Variants in PPM1B observed in about 807,000 individuals in gnomAD.
PPM1B encodes the protein protein phosphatase 1B.
A neutral mutation model predicts 43.0 loss-of-function variants in PPM1B; 22 were observed. The ratio of observed to expected loss-of-function variants is 0.51; its 90% CI spans 0.37 to 0.73. The LOEUF is 0.73. PPM1B is among the 30% of genes least tolerant of loss of function. The pLI is 0.00. For synonymous variants in PPM1B, 217 were observed against 197.9 expected (o/e 1.10, Z -0.81); for missense variants, 632 against 584.2 (o/e 1.08, Z -0.84).
chr2:44,183,982 C>G (rs1190308833), intron 1 of PPM1B, among the ~76,000 whole-genome samples: 1 of 152,206 alleles, frequency 6.6e-6, no homozygotes, highest in Non-Finnish European at 1.5e-5. Context: ...TCGTGATCCG[C>G]CCGCCTCGGC....
downstream of PPM1B, among the ~76,000 whole-genome samples, chr2:44,244,720 A>G (rs1287753044): frequency 6.6e-6 from 1 of 150,658 alleles, no homozygotes; most frequent in Non-Finnish European, 1.5e-5. Context: ...GGCTTGTTCT[A>G]CGCGAATACA....
At chr2:44,170,143 C>G (rs1257581608) in intron 1 of PPM1B, among the ~76,000 whole-genome samples, 1 of 152,182 alleles carries the variant, frequency 6.6e-6, no homozygotes, top group Admixed American at 6.5e-5. Flanking sequence ...TCAGATTTAG[C>G]AGATCTGGGA....
intron 1 of PPM1B, among the ~76,000 whole-genome samples, chr2:44,183,770 G>T (rs972006276): frequency 6.6e-6 from 1 of 151,934 alleles, no homozygotes; most frequent in African/African-American, 2.4e-5. Flanking sequence ...ACAGAGTCTC[G>T]CTCAGTCGCC....
chr2:44,238,718 A>G (rs1670683810), downstream of PPM1B, among the ~76,000 whole-genome samples: 1 of 152,048 alleles, frequency 6.6e-6, no homozygotes, highest in African/African-American at 2.4e-5. Flanking sequence ...AGGAAAAAAA[A>G]AAACATTTTA....
rs1325354452 is a variant in PPM1B at position 44,186,394 on chromosome 2, G to C, written c.-14-14792G>C. 4.6e-5 allele frequency among the ~76,000 whole-genome samples: 7 copies of C among 152,038 alleles called. No homozygotes were observed. The East Asian group carries it at 1.2e-3, about 25-fold the overall frequency. ...ACAAGCTTTTTTTCTTTTGAGACAG[G>C]GTCTTGCTCTGTCATCGAGGCTGGA... On this transcript the variant is annotated intron_variant, in intron 1 of 5. Transcript: ENST00000282412.
At chr2:44,173,758 CATG>C (rs1669512913) in intron 1 of PPM1B, among the ~76,000 whole-genome samples, 1 of 152,134 alleles carries the variant, frequency 6.6e-6, no homozygotes, top group South Asian at 2.1e-4. Context: ...GCCTGGCCAA[CATG>C]ATGAAACCCT....
At chr2:44,212,729 G>A (rs1426018102) in intron 3 of PPM1B, among the ~76,000 whole-genome samples, 1 of 151,902 alleles carries the variant, frequency 6.6e-6, no homozygotes, top group Non-Finnish European at 1.5e-5. Flanking sequence ...CCGTTTAGTA[G>A]GCCAGTCATG....
chr2:44,196,969 T>C (rs550553500), intron 1 of PPM1B, among the ~76,000 whole-genome samples: 1 of 152,352 alleles, frequency 6.6e-6, no homozygotes, highest in East Asian at 1.9e-4. Flanking sequence ...TGTACTACAC[T>C]GTACTTGGAA....
In PPM1B at chr2:44,225,314, A is replaced by G. The variant is rs79942793; in HGVS notation, c.1135-5099A>G. On this transcript the variant is annotated intron_variant, in intron 5 of 5. Transcript: ENST00000282412. ...CCGTTGCAAGGTAGAGTTAATTGCTATAATAGATGTGTAAAAATAGGTGTG... is the reference window on the plus strand; with the variant it reads ...CCGTTGCAAGGTAGAGTTAATTGCTGTAATAGATGTGTAAAAATAGGTGTG... Among the ~76,000 whole-genome samples the G allele has an allele frequency of 4.3e-3, 656 of 152,346 alleles. 7 individuals are homozygous for G. The highest frequency in any genetic ancestry group is 0.015 in the African/African-American group (624 of 41,580).
chr2:44,230,879 A>G lies in PPM1B; in HGVS notation c.*161A>G, dbSNP rs1572760982. 1.5e-6 allele frequency: 2 copies of G among 1,378,130 alleles called. No individual in the cohort carries two copies. The highest frequency in any genetic ancestry group is 2.6e-5 in the East Asian group (1 of 38,272). The allele number at this position is 1,378,130 out of a possible 1,614,324, so 85.4% of individuals were successfully genotyped here. ...TAAAAAGGCCTTTGCATACACCTTT[A>G]TGAGATAGTGTAAAATTGACTATTT... On this transcript the variant is annotated 3_prime_UTR_variant, in exon 6 of 6. Coordinates refer to ENST00000282412, the MANE Select transcript of PPM1B (RefSeq NM_002706.6).
chr2:44,175,012 T>C (rs1667514128), intron 1 of PPM1B, among the ~76,000 whole-genome samples: 1 of 152,166 alleles, frequency 6.6e-6, no homozygotes, highest in Non-Finnish European at 1.5e-5. Flanking sequence ...CCTAGCACTT[T>C]GGGAGGCCGA....
At chr2:44,189,033 C>G (rs1668278118) in intron 1 of PPM1B, among the ~76,000 whole-genome samples, 1 of 151,904 alleles carries the variant, frequency 6.6e-6, no homozygotes, top group Non-Finnish European at 1.5e-5. Context: ...CCACACCTGG[C>G]TAATCTTTTT....
At chr2:44,239,569 A>AT (rs1670701917), downstream of PPM1B, among the ~76,000 whole-genome samples, 1 of 152,040 alleles carries the variant, frequency 6.6e-6, no homozygotes, top group South Asian at 2.1e-4. Context: ...TCATTTTCAT[A>AT]TCAGGTGGAT....
downstream of PPM1B, chr2:44,232,582 A>C: frequency 2.2e-6 from 3 of 1,353,886 alleles, no homozygotes; most frequent in East Asian, 8.9e-5. Flanking sequence ...TACTCGTTAC[A>C]TCTGTATTGA....
intron 1 of PPM1B, among the ~76,000 whole-genome samples, chr2:44,190,129 C>A (rs913936546): frequency 6.6e-6 from 1 of 150,416 alleles, no homozygotes; most frequent in Non-Finnish European, 1.5e-5. Context: ...TTATTTGATA[C>A]TAGTAGAGAA....
chr2:44,236,004 G>A (rs565855461), downstream of PPM1B, among the ~76,000 whole-genome samples: 5 of 152,020 alleles, frequency 3.3e-5, no homozygotes, highest in African/African-American at 7.2e-5. Context: ...CTGCTTCACC[G>A]TTAGTTTATT....
intron 1 of PPM1B, among the ~76,000 whole-genome samples, chr2:44,193,567 T>C (rs1353652062): frequency 6.9e-6 from 1 of 145,664 alleles, no homozygotes; most frequent in Non-Finnish European, 1.5e-5. Context: ...CTAATTAAAA[T>C]TTTTTTTCTT....
At chr2:44,192,833 C>G (rs758259458) in intron 1 of PPM1B, among the ~76,000 whole-genome samples, 1 of 152,164 alleles carries the variant, frequency 6.6e-6, no homozygotes, top group Non-Finnish European at 1.5e-5. Context: ...CTTTCTATTC[C>G]TGGCTTCTTT....
intron 1 of PPM1B, among the ~76,000 whole-genome samples, chr2:44,190,255 A>G (rs1029202407): frequency 1.3e-5 from 2 of 151,552 alleles, no homozygotes; most frequent in African/African-American, 4.8e-5. Flanking sequence ...CCCAGGTTCA[A>G]GCAAGTCTCC....
Sources: gnomAD v4.1 joint callset for allele counts (sites outside exome capture counted in the v4.1 genomes callset) on GRCh38, gnomAD v4.1.1 for gene constraint, MANE v1.5 for transcripts, NCBI Gene and HGNC (gene_info 2026-07-23, HGNC 2026-07-21) for gene names.